Variants in GLRA3 observed in about 807,000 individuals in gnomAD.
The protein encoded by GLRA3 is glycine receptor alpha 3.
GLRA3 carries 44 observed loss-of-function variants against 60.4 expected under a neutral mutation model. That is an observed-to-expected ratio of 0.73 (90% CI 0.57 to 0.94). The LOEUF is 0.94. GLRA3 is among the 40% of genes least tolerant of loss of function. GLRA3 has a pLI of 0.00. For synonymous variants in GLRA3, 223 were observed against 192.9 expected (o/e 1.16, Z -1.29); for missense variants, 508 against 564.6 (o/e 0.90, Z 1.02).
At chr4:174,740,561 C>A (rs534290362) in intron 3 of GLRA3, among the ~76,000 whole-genome samples, 1 of 152,330 alleles carries the variant, frequency 6.6e-6, no homozygotes, top group East Asian at 1.9e-4. Flanking sequence ...TCCTGATCCA[C>A]ATACATGTGA....
At chr4:174,750,568 T>A (rs890414088) in intron 3 of GLRA3, among the ~76,000 whole-genome samples, 13 of 152,098 alleles carry the variant, frequency 8.5e-5, no homozygotes, top group African/African-American at 3.1e-4. Context: ...AAAAAATGCA[T>A]TGTGATGGCT....
intron 2 of GLRA3, among the ~76,000 whole-genome samples, chr4:174,768,681 A>T (rs28602421): frequency 0.75 from 113,568 of 152,010 alleles, 42,792 homozygotes; most frequent in East Asian, 1. Context: ...TGAAAGAGGG[A>T]AATATTCCAT....
chr4:174,710,591 G>A (rs1735682806), intron 5 of GLRA3, among the ~76,000 whole-genome samples: 1 of 151,974 alleles, frequency 6.6e-6, no homozygotes, highest in Admixed American at 6.6e-5. Context: ...TTATAACAAA[G>A]TTAGCTCTTT....
intron 5 of GLRA3, among the ~76,000 whole-genome samples, chr4:174,711,969 T>C (rs1735735342): frequency 6.6e-6 from 1 of 152,164 alleles, no homozygotes; most frequent in South Asian, 2.1e-4. Flanking sequence ...TCTCTTTTTT[T>C]CTACATGAAT....
At chr4:174,676,950 A>G in intron 7 of GLRA3, 128 bp downstream of exon 7, 1 of 623,744 alleles carries the variant, frequency 1.6e-6, no homozygotes, top group Non-Finnish European at 2.8e-6. Context: ...TTGGTTATAT[A>G]TTACTTTAAA....
intron 5 of GLRA3, among the ~76,000 whole-genome samples, chr4:174,686,026 AT>A (rs1734542863): frequency 6.6e-6 from 1 of 152,228 alleles, no homozygotes; most frequent in Non-Finnish European, 1.5e-5. Flanking sequence ...CAGTATATGT[AT>A]CTTGCTTTTG....
At chr4:174,779,578 G>A (rs573081699) in intron 2 of GLRA3, among the ~76,000 whole-genome samples, 1 of 152,106 alleles carries the variant, frequency 6.6e-6, no homozygotes, top group Non-Finnish European at 1.5e-5. Flanking sequence ...AAATTTAGAA[G>A]AATGTATAAC....
At chr4:174,692,590 T>C (rs1383667124) in intron 5 of GLRA3, among the ~76,000 whole-genome samples, 3 of 150,588 alleles carry the variant, frequency 2.0e-5, no homozygotes. Flanking sequence ...TTTTGTTCTG[T>C]ACTAAGAAAA....
At chr4:174,717,223 A>AG (rs1735957578) in intron 4 of GLRA3, among the ~76,000 whole-genome samples, 1 of 149,466 alleles carries the variant, frequency 6.7e-6, no homozygotes, top group Admixed American at 6.7e-5. Flanking sequence ...TAAAAAAAAA[A>AG]AAAAGAAAGG....
intron 9 of GLRA3, among the ~76,000 whole-genome samples, chr4:174,646,426 C>T (rs1732818101): frequency 6.6e-6 from 1 of 152,164 alleles, no homozygotes; most frequent in Non-Finnish European, 1.5e-5. Flanking sequence ...CCCCTGATTC[C>T]TAAAGCATCA....
intron 1 of GLRA3, among the ~76,000 whole-genome samples, chr4:174,806,896 A>G (rs1740073677): frequency 6.6e-6 from 1 of 152,066 alleles, no homozygotes. Context: ...GTTATGGAAG[A>G]CTGTATATGC....
chr4:174,779,746 GA>G (rs1477985624), intron 2 of GLRA3, among the ~76,000 whole-genome samples: 1 of 152,060 alleles, frequency 6.6e-6, no homozygotes, highest in East Asian at 1.9e-4. Flanking sequence ...AATGAAGCAA[GA>G]AGGGAAGTTT....
At chr4:174,729,827 A>G (rs1736484863) in intron 3 of GLRA3, among the ~76,000 whole-genome samples, 1 of 152,188 alleles carries the variant, frequency 6.6e-6, no homozygotes, top group African/African-American at 2.4e-5. Context: ...ACCATTTTTC[A>G]TCTATTTTTC....
At chr4:174,761,475 C>T (rs780665841) in intron 3 of GLRA3, among the ~76,000 whole-genome samples, 9 of 152,014 alleles carry the variant, frequency 5.9e-5, no homozygotes, top group South Asian at 2.1e-4. Flanking sequence ...CTATGTACAC[C>T]GACACCTGAA....
At chr4:174,731,775 T>C (rs1736555480) in intron 3 of GLRA3, among the ~76,000 whole-genome samples, 1 of 152,164 alleles carries the variant, frequency 6.6e-6, no homozygotes, top group Non-Finnish European at 1.5e-5. Context: ...ATTATTAACA[T>C]GCTTTAAAAT....
intron 3 of GLRA3, among the ~76,000 whole-genome samples, chr4:174,735,266 G>A (rs976996636): frequency 5.3e-5 from 8 of 152,126 alleles, no homozygotes; most frequent in Non-Finnish European, 2.9e-5. Context: ...AATGGCAGAA[G>A]TTTCTACATC....
At chr4:174,808,251 C>T (rs1235517923) in intron 1 of GLRA3, among the ~76,000 whole-genome samples, 1 of 152,044 alleles carries the variant, frequency 6.6e-6, no homozygotes, top group Non-Finnish European at 1.5e-5. Context: ...TACAGTCATG[C>T]ACCACGTAAC....
intron 1 of GLRA3, among the ~76,000 whole-genome samples, chr4:174,796,774 A>T (rs748742326): frequency 6.6e-6 from 1 of 152,150 alleles, no homozygotes; most frequent in Non-Finnish European, 1.5e-5. Context: ...TGATTTCGTG[A>T]TCCACCCTTC....
Position 174,659,308 on chromosome 4 carries a change from A to T in GLRA3, c.928-111T>A, listed in dbSNP as rs965687656. The T allele has an allele frequency of 8.2e-6, 6 of 733,422 alleles. No individual in the cohort carries two copies. In the African/African-American group the frequency reaches 1.1e-4, roughly 14 times the overall value. The allele number at this position is 733,422 out of a possible 1,614,324, so 45.4% of individuals were successfully genotyped here. A position where few individuals can be genotyped will look rare whatever the true frequency, so the allele number is the denominator to read the frequency against. ...ATTATGTCATTTATACATAAGTTTT[A>T]AAAAATAAAGAAAATGACAATTTTT... On this transcript the variant is annotated intron_variant, in intron 7 of 9. Coordinates refer to ENST00000274093, the MANE Select transcript of GLRA3 (RefSeq NM_006529.4).
Sources: allele counts gnomAD v4.1 joint callset (sites outside exome capture counted in the v4.1 genomes callset), GRCh38; gene constraint gnomAD v4.1.1; transcripts MANE v1.5; gene names NCBI Gene and HGNC (gene_info 2026-07-23, HGNC 2026-07-21).